Variants in LINC00237 observed in about 807,000 individuals in gnomAD.
LINC00237 encodes the protein long independently transcribed non-coding RNA 237.
intron 1 of LINC00237, among the ~76,000 whole-genome samples, chr20:21,105,962 G>T (rs559345087): frequency 2.0e-5 from 3 of 152,212 alleles, no homozygotes; most frequent in Non-Finnish European, 4.4e-5. Flanking sequence ...AAGGCGCGGG[G>T]CGGGGTCGGG....
intron 3 of LINC00237, among the ~76,000 whole-genome samples, chr20:21,086,915 A>G (rs1020489753): frequency 5.2e-4 from 72 of 137,596 alleles, no homozygotes; most frequent in Non-Finnish European, 9.7e-4. Flanking sequence ...CATATATAGT[A>G]TATATACACT....
chr20:21,085,599 T>A (rs2030680992), exon 4 of LINC00237, among the ~76,000 whole-genome samples: 1 of 152,174 alleles, frequency 6.6e-6, no homozygotes, highest in Admixed American at 6.5e-5. Flanking sequence ...ATTTAATATA[T>A]GCAAAGTTCA....
At chr20:21,102,683 T>C (rs1375236870) in intron 1 of LINC00237, among the ~76,000 whole-genome samples, 1 of 137,354 alleles carries the variant, frequency 7.3e-6, no homozygotes, top group Non-Finnish European at 1.5e-5. Context: ...AGGAGTTAAT[T>C]CCTATTTTAT....
chr20:21,103,356 C>A (rs76852172), intron 1 of LINC00237, among the ~76,000 whole-genome samples: 1,703 of 152,232 alleles, frequency 0.011, 55 homozygotes, highest in Admixed American at 0.069. Context: ...TGGCAGGGAA[C>A]TAGATGGCTG....
intron 1 of LINC00237, among the ~76,000 whole-genome samples, chr20:21,099,553 T>G (rs920765785): frequency 1.2e-4 from 19 of 152,240 alleles, no homozygotes; most frequent in African/African-American, 3.6e-4. Flanking sequence ...AGGTCTTCTC[T>G]TCCCCTTCAG....
At chr20:21,085,711 A>C (rs1243808095) in exon 4 of LINC00237, among the ~76,000 whole-genome samples, 1 of 152,164 alleles carries the variant, frequency 6.6e-6, no homozygotes, top group Admixed American at 6.5e-5. Context: ...GATGCTGCTG[A>C]TGTTTTTTTC....
intron 2 of LINC00237, among the ~76,000 whole-genome samples, chr20:21,088,646 G>C (rs994590596): frequency 2.0e-5 from 3 of 152,036 alleles, no homozygotes; most frequent in Admixed American, 1.3e-4. Flanking sequence ...ATCTACACAG[G>C]GAAATGTGGA....
chr20:21,094,569 G>GAA (rs1431906939), intron 1 of LINC00237, among the ~76,000 whole-genome samples: 1 of 152,162 alleles, frequency 6.6e-6, no homozygotes, highest in Non-Finnish European at 1.5e-5. Flanking sequence ...TGAATAAGTG[G>GAA]AAAGAGGGGT....
intron 1 of LINC00237, among the ~76,000 whole-genome samples, chr20:21,099,424 T>A (rs2030901154): frequency 1.3e-5 from 2 of 152,182 alleles, no homozygotes; most frequent in African/African-American, 4.8e-5. Context: ...TTGGTTCCTT[T>A]CAAGTGGCAA....
intron 1 of LINC00237, among the ~76,000 whole-genome samples, chr20:21,094,884 T>C (rs927768196): frequency 2.6e-5 from 4 of 152,120 alleles, no homozygotes; most frequent in Admixed American, 2.6e-4. Flanking sequence ...ACCCCATCTG[T>C]ACTAAAAATA....
chr20:21,088,036 G>A (rs937808766), intron 2 of LINC00237: 30 of 152,156 alleles, frequency 2.0e-4, no homozygotes, highest in African/African-American at 7.0e-4. Flanking sequence ...CTTCCCTGTA[G>A]GTAGAAATGG....
At chr20:21,104,363 C>T (rs1407636956) in intron 1 of LINC00237, among the ~76,000 whole-genome samples, 2 of 152,228 alleles carry the variant, frequency 1.3e-5, no homozygotes, top group Non-Finnish European at 2.9e-5. Context: ...GTCAGTACCC[C>T]GAGGTGGAGC....
chr20:21,099,427 A>G (rs2030901177), intron 1 of LINC00237, among the ~76,000 whole-genome samples: 1 of 152,212 alleles, frequency 6.6e-6, no homozygotes, highest in African/African-American at 2.4e-5. Flanking sequence ...GTTCCTTTCA[A>G]GTGGCAACTG....
At chr20:21,091,180 C>T (rs1165383348) in intron 2 of LINC00237, among the ~76,000 whole-genome samples, 1 of 103,142 alleles carries the variant, frequency 9.7e-6, no homozygotes, top group Non-Finnish European at 1.9e-5. Context: ...CACTCACACT[C>T]ACACACACAC....
chr20:21,085,648 G>A (rs2030681413), exon 4 of LINC00237, among the ~76,000 whole-genome samples: 1 of 152,148 alleles, frequency 6.6e-6, no homozygotes, highest in African/African-American at 2.4e-5. Flanking sequence ...AGATAGGAGT[G>A]TGGTTATCTT....
intron 1 of LINC00237, among the ~76,000 whole-genome samples, chr20:21,106,076 T>G (rs2030995759): frequency 6.6e-6 from 1 of 152,278 alleles, no homozygotes; most frequent in South Asian, 2.1e-4. Context: ...AGAGGAATTT[T>G]TAAAAACAAA....
At chr20:21,102,363 A>T (rs1430097005) in intron 1 of LINC00237, among the ~76,000 whole-genome samples, 2 of 152,186 alleles carry the variant, frequency 1.3e-5, no homozygotes, top group East Asian at 3.9e-4. Context: ...CCTTCCCTCT[A>T]GCCGCATACC....
intron 1 of LINC00237, among the ~76,000 whole-genome samples, chr20:21,095,469 A>G (rs770739674): frequency 6.6e-6 from 1 of 152,246 alleles, no homozygotes; most frequent in Non-Finnish European, 1.5e-5. Flanking sequence ...GCAGCAACAG[A>G]TAAGTGAAAC....
intron 1 of LINC00237, among the ~76,000 whole-genome samples, chr20:21,096,914 GATGC>G (rs1359045999): frequency 6.6e-6 from 1 of 152,190 alleles, no homozygotes; most frequent in Non-Finnish European, 1.5e-5. Context: ...CAGATTTTTA[GATGC>G]ACCTGTTACT....
Sources: gnomAD v4.1 joint callset for allele counts (sites outside exome capture counted in the v4.1 genomes callset) on GRCh38, gnomAD v4.1.1 for gene constraint, MANE v1.5 for transcripts, NCBI Gene and HGNC (gene_info 2026-07-23, HGNC 2026-07-21) for gene names.